HERC4: variants seen among roughly 807,000 people sequenced by gnomAD.
HERC4 encodes HECT and RLD domain containing E3 ubiquitin protein ligase 4.
HERC4 carries 28 observed loss-of-function variants against 124.3 expected under a neutral mutation model. That is an observed-to-expected ratio of 0.23 (90% CI 0.17 to 0.31). HERC4 has a LOEUF of 0.31. HERC4 is among the 10% of genes least tolerant of loss of function. The pLI is 1.00. For missense variants in HERC4, 713 were observed against 1,229.3 expected (o/e 0.58, Z 6.28); for synonymous variants, 407 against 421.5 (o/e 0.97, Z 0.42).
chr10:68,030,189 C>T (rs2039127543), intron 7 of HERC4, among the ~76,000 whole-genome samples: 1 of 151,804 alleles, frequency 6.6e-6, no homozygotes, highest in Non-Finnish European at 1.5e-5. Context: ...CCTGTAATCC[C>T]AGCATTCTGG....
intron 22 of HERC4, among the ~76,000 whole-genome samples, chr10:67,933,647 A>C (rs2032057248): frequency 6.6e-6 from 1 of 152,076 alleles, no homozygotes; most frequent in Non-Finnish European, 1.5e-5. Context: ...AGGACCTAAA[A>C]TTTTTTCACA....
chr10:68,038,944 T>C (rs567076970), intron 4 of HERC4, among the ~76,000 whole-genome samples: 11 of 152,070 alleles, frequency 7.2e-5, no homozygotes, highest in East Asian at 1.9e-4. Flanking sequence ...AGCATCTCCA[T>C]TGGTTCTTTC....
chr10:67,989,616 C>G (rs1276800443), intron 14 of HERC4, among the ~76,000 whole-genome samples: 1 of 151,878 alleles, frequency 6.6e-6, no homozygotes, highest in Admixed American at 6.6e-5. Context: ...AAGAAAAGCA[C>G]TGGGTTAAAT....
intron 16 of HERC4, among the ~76,000 whole-genome samples, chr10:67,962,175 T>G (rs1404182471): frequency 1.3e-5 from 2 of 151,718 alleles, no homozygotes; most frequent in Non-Finnish European, 2.9e-5. Context: ...ATATTCCTCT[T>G]GTAGGACATT....
At chr10:67,942,705 T>C (rs574839586) in intron 19 of HERC4, among the ~76,000 whole-genome samples, 1 of 152,234 alleles carries the variant, frequency 6.6e-6, no homozygotes, top group South Asian at 2.1e-4. Flanking sequence ...GAAATGGGGT[T>C]TCTCCATGTT....
At chr10:68,019,149 A>G (rs1364623809) in intron 8 of HERC4, among the ~76,000 whole-genome samples, 1 of 151,846 alleles carries the variant, frequency 6.6e-6, no homozygotes, top group Non-Finnish European at 1.5e-5. Context: ...GGCATGTGCC[A>G]CCACGCCCGA....
intron 3 of HERC4, among the ~76,000 whole-genome samples, chr10:68,060,224 T>C (rs1278890328): frequency 6.6e-6 from 1 of 151,920 alleles, no homozygotes; most frequent in African/African-American, 2.4e-5. Context: ...TAATGTTCTT[T>C]TTGTTTGCTT....
At chr10:68,028,364 G>C (rs528482243) in intron 7 of HERC4, among the ~76,000 whole-genome samples, 1 of 151,844 alleles carries the variant, frequency 6.6e-6, no homozygotes, top group Admixed American at 6.6e-5. Flanking sequence ...TTTTTTTATA[G>C]ATCTGATGTT....
chr10:67,934,030 T>C (rs1346595529), intron 22 of HERC4, among the ~76,000 whole-genome samples: 1 of 152,186 alleles, frequency 6.6e-6, no homozygotes, highest in Non-Finnish European at 1.5e-5. Context: ...TGCCAGAAAT[T>C]CCCGCTATTA....
chr10:68,016,804 G>A (rs1342415001), intron 8 of HERC4, among the ~76,000 whole-genome samples: 1 of 152,152 alleles, frequency 6.6e-6, no homozygotes, highest in African/African-American at 2.4e-5. Context: ...TAAAACTGCT[G>A]AAAAGAACTG....
At chr10:68,013,985 C>A in intron 9 of HERC4, 41 bp downstream of exon 9, 1 of 1,467,600 alleles carries the variant, frequency 6.8e-7, no homozygotes, top group Non-Finnish European at 9.2e-7. Context: ...TTAACAAGAA[C>A]TTCAATATAT....
At chr10:68,023,204 A>G (rs2038732804) in intron 8 of HERC4, among the ~76,000 whole-genome samples, 1 of 152,210 alleles carries the variant, frequency 6.6e-6, no homozygotes, top group Non-Finnish European at 1.5e-5. Flanking sequence ...TGCCCAAAAG[A>G]ACTGAAAGTG....
intron 3 of HERC4, among the ~76,000 whole-genome samples, chr10:68,059,434 C>CTATTATAATATTATA (rs2040717380): frequency 1.0e-5 from 1 of 100,142 alleles, no homozygotes; most frequent in Non-Finnish European, 1.9e-5. Context: ...GTTTCTCTCG[C>CTATTATAATATTATA]TATTATAATA....
intron 9 of HERC4, among the ~76,000 whole-genome samples, chr10:67,998,385 T>C (rs927243267): frequency 4.0e-5 from 6 of 151,200 alleles, no homozygotes; most frequent in African/African-American, 1.2e-4. Context: ...CCATCTCTAC[T>C]AAAAATACAA....
At chr10:67,930,230 T>TA (rs1031631346) in intron 23 of HERC4, among the ~76,000 whole-genome samples, 18 of 148,960 alleles carry the variant, frequency 1.2e-4, no homozygotes, top group South Asian at 4.2e-4. Flanking sequence ...ATTTGCAAAT[T>TA]AAAAAAAAAA....
chr10:68,028,280 A>G (rs148456272), intron 7 of HERC4, among the ~76,000 whole-genome samples: 36 of 151,936 alleles, frequency 2.4e-4, no homozygotes, highest in African/African-American at 8.4e-4. Context: ...TGTCCTAGCA[A>G]CTTCCAAAGG....
At chr10:68,071,106 G>A (rs1156925102) in intron 3 of HERC4, among the ~76,000 whole-genome samples, 1 of 152,092 alleles carries the variant, frequency 6.6e-6, no homozygotes, top group Non-Finnish European at 1.5e-5. Context: ...ACAACAATGA[G>A]GCAATCCTAA....
chr10:68,044,486 T>C lies in HERC4; in HGVS notation c.304A>G (p.Lys102Glu). The C allele has an allele frequency of 6.2e-7, 1 of 1,614,154 alleles. No individual in the cohort carries two copies. Among genetic ancestry groups the C allele is most frequent in the Non-Finnish European group, 8.5e-7 (1 of 1,180,032 alleles). The change falls in exon 4 of 25, where the codon AAA (lysine) becomes GAA (glutamate). Residue 102 changes from lysine (K) to glutamate (E), a missense_variant. Coordinates refer to ENST00000373700, the MANE Select transcript of HERC4 (RefSeq NM_015601.4). ...AGACCCCAAGCATACACCTGGCCTT[T>C]GTCATTTAGCGCTAACGTATGAGCT... ...GEAHTLALND[K>E]GQVYAWGLDS...
chr10:67,926,383 G>A (rs1209645165), intron 23 of HERC4, among the ~76,000 whole-genome samples: 1 of 149,134 alleles, frequency 6.7e-6, no homozygotes, highest in Non-Finnish European at 1.5e-5. Flanking sequence ...GTCAACAAGA[G>A]CGAAACTCCA....
Sources: gnomAD v4.1 joint callset for allele counts (sites outside exome capture counted in the v4.1 genomes callset) on GRCh38, gnomAD v4.1.1 for gene constraint, MANE v1.5 for transcripts, NCBI Gene and HGNC (gene_info 2026-07-23, HGNC 2026-07-21) for gene names.